PCDHGB4: variants seen among roughly 807,000 people sequenced by gnomAD.
PCDHGB4 encodes the protein protocadherin gamma subfamily B, 4.
A neutral mutation model predicts 60.5 loss-of-function variants in PCDHGB4; 38 were observed. The observed-to-expected ratio is 0.63, with a 90% CI of 0.48 to 0.82. The LOEUF (loss-of-function observed/expected upper bound fraction) is 0.82. PCDHGB4 is among the 40% of genes least tolerant of loss of function. PCDHGB4 has a pLI of 0.00. For synonymous variants in PCDHGB4, 456 were observed against 509.7 expected, an observed-to-expected ratio of 0.89 and a Z score of 1.42; for missense variants, 1,109 against 1,209.6, an observed-to-expected ratio of 0.92 and a Z score of 1.23.
intron 1 of PCDHGB4, among the ~76,000 whole-genome samples, chr5:141,480,400 G>A (rs1364147575): frequency 6.8e-6 from 1 of 146,550 alleles, no homozygotes; most frequent in Non-Finnish European, 1.5e-5. Context: ...TGGCAATAGA[G>A]TGAGACCCTG....
At chr5:141,403,875 A>T in intron 1 of PCDHGB4, 1 of 1,613,816 alleles carries the variant, frequency 6.2e-7, no homozygotes, top group Non-Finnish European at 8.5e-7. Flanking sequence ...AAAAGTCTAG[A>T]TTATGAAGAA....
chr5:141,485,074 G>C lies in PCDHGB4; in HGVS notation c.2398-9733G>C, dbSNP rs2099606548. ...GGCCGAACCGCGCCAGAGCTGGCGC[G>C]GGGAAAGGGAGATAGGTGTCTCCAG... On this transcript the variant is annotated intron_variant, in intron 1 of 3. Coordinates refer to ENST00000519479, the MANE Select transcript of PCDHGB4 (RefSeq NM_003736.4). The surrounding 1 kb of genome is among the most constrained non-coding windows in gnomAD (Gnocchi z 5.7). 1 of 926,946 alleles carries C rather than the reference G, an allele frequency of 1.1e-6. No individual in the cohort carries two copies. The highest frequency in any genetic ancestry group is 1.6e-5 in the South Asian group (1 of 62,606). The allele number at this position is 926,946 out of a possible 1,614,324, so 57.4% of individuals were successfully genotyped here.
Position 141,428,007 on chromosome 5 carries a change from A to T in PCDHGB4, c.2397+37726A>T, listed in dbSNP as rs770851074. 9.4e-6 allele frequency: 15 copies of T among 1,602,018 alleles called. No individual in the cohort carries two copies. In the African/African-American group the frequency reaches 1.5e-4, roughly 16 times the overall value. ...GCCCGATGGCTCCGCACTCTTCGAT[A>T]TAGTGCCACGCGCCGCAGAGTCCGG... On this transcript the variant is annotated intron_variant, in intron 1 of 3. Coordinates refer to ENST00000519479, the MANE Select transcript of PCDHGB4 (RefSeq NM_003736.4).
At chr5:141,433,204 C>A in intron 1 of PCDHGB4, 1 of 1,566,946 alleles carries the variant, frequency 6.4e-7, no homozygotes, top group Non-Finnish European at 8.6e-7. Flanking sequence ...ATCAAATCTT[C>A]TTTCTTTTTT....
intron 1 of PCDHGB4, chr5:141,413,467 G>C: frequency 1.2e-6 from 2 of 1,614,136 alleles, no homozygotes; most frequent in East Asian, 2.2e-5. Context: ...AGACCGGGAG[G>C]AGCTCTGCGC....
intron 1 of PCDHGB4, chr5:141,424,513 T>C (rs1339689551): frequency 6.6e-6 from 1 of 152,224 alleles, no homozygotes; most frequent in Non-Finnish European, 1.5e-5. Context: ...GGTTTTTTAA[T>C]GTAGTAAATC....
intron 1 of PCDHGB4, chr5:141,413,285 A>G: frequency 1.9e-6 from 3 of 1,613,892 alleles, no homozygotes; most frequent in Non-Finnish European, 2.5e-6. Flanking sequence ...CAGATCTCCT[A>G]CTCAATTCCT....
intron 1 of PCDHGB4, among the ~76,000 whole-genome samples, chr5:141,461,001 A>G (rs1309762345): frequency 4.0e-5 from 6 of 150,320 alleles, no homozygotes; most frequent in South Asian, 4.2e-4. Context: ...ATATATGTGT[A>G]TATATATATA....
At position 141,389,787 on chromosome 5, in the gene PCDHGB4, G is replaced by A; in HGVS notation, c.1903G>A (p.Ala635Thr). The change falls in exon 1 of 4, where the codon GCC becomes ACC. Residue 635 changes from alanine (A) to threonine (T), a missense_variant. Physicochemically the swap from Ala to Thr is moderately conservative, Grantham distance 58 (BLOSUM62 0). This residue lies in a region of PCDHGB4 where 1,068 missense variants were observed against 1,089.9 expected (regional missense o/e 0.98). Transcript: ENST00000519479. ...AGCGCGTGCCTTAGGCGACAGGGAC[G>A]CCGTCCGCCAGCGCCTTCTGGTCGC... ...RTARALGDRD[A>T]VRQRLLVAVR... 1 of 1,613,328 alleles carries A rather than the reference G, an allele frequency of 6.2e-7. No individual in the cohort carries two copies. Among genetic ancestry groups the A allele is most frequent in the Non-Finnish European group, 8.5e-7 (1 of 1,179,770 alleles).
intron 1 of PCDHGB4, among the ~76,000 whole-genome samples, chr5:141,436,389 TTAAA>T (rs1385837876): frequency 6.6e-6 from 1 of 152,212 alleles, no homozygotes; most frequent in Non-Finnish European, 1.5e-5. Context: ...ATAGGCTTTA[TTAAA>T]TAGTTGTTGA....
rs550977374 is a variant in PCDHGB4, at chr5:141,447,118, G to A, written c.2398-47689G>A. 9.2e-5 allele frequency among the ~76,000 whole-genome samples: 14 copies of A among 151,984 alleles called. No individual in the cohort carries two copies. The East Asian group carries it at 2.7e-3, about 29-fold the overall frequency. ...TTCACATGATTATATGTGCTCCATGGATTTTTTTGTTTGTTTGTTTTTTGT... is the reference window on the plus strand; with the variant it reads ...TTCACATGATTATATGTGCTCCATGAATTTTTTTGTTTGTTTGTTTTTTGT... On this transcript the variant is annotated intron_variant, in intron 1 of 3. Transcript: ENST00000519479.
rs1561857042 is a variant in PCDHGB4, at chr5:141,432,038, C to CG, written c.2397+41761dup. 3 of 1,614,190 alleles carry CG rather than the reference C, an allele frequency of 1.9e-6. No individual in the cohort carries two copies. The highest frequency in any genetic ancestry group is 2.5e-6 in the Non-Finnish European group (3 of 1,180,032). Reference sequence around the variant, plus strand: ...CAACATCACAGTGACCGCCACTGACCGGGGAACCCCGCCCCTATCCACGGA... The same window carrying CG: ...CAACATCACAGTGACCGCCACTGACCGGGGGAACCCCGCCCCTATCCACGGA... On this transcript the variant is annotated intron_variant, in intron 1 of 3. Transcript: ENST00000519479. The surrounding 1 kb of genome is among the most constrained non-coding windows in gnomAD (Gnocchi z 6.0).
rs1161188105 is a variant in PCDHGB4, at chr5:141,427,974, G to A, written c.2397+37693G>A. 9 of 1,594,458 alleles carry A rather than the reference G, an allele frequency of 5.6e-6. No individual in the cohort carries two copies. In the Admixed American group the frequency reaches 1.5e-4, roughly 27 times the overall value. ...CAATGTGCCGCGGGTGCTGTACCCC[G>A]CGCTGGGGCCCGATGGCTCCGCACT... On this transcript the variant is annotated intron_variant, in intron 1 of 3. Transcript: ENST00000519479.
Position 141,389,006 on chromosome 5 carries a change from C to G in PCDHGB4, c.1122C>G (p.Ser374=). The G allele has an allele frequency of 6.2e-7, 1 of 1,613,986 alleles. No homozygotes were observed. The highest frequency in any genetic ancestry group is 1.1e-5 in the South Asian group (1 of 91,076). Residue 374 remains serine, a synonymous_variant, in exon 1 of 4, where the codon TCC becomes TCG. Transcript: ENST00000519479. ...TGCTCAAAGTCCGTGACAAGGATTC[C>G]AGACACAATGGAGAAGTGACTTGTA... ...IALLKVRDKD[S]RHNGEVTCKL...
chr5:141,419,018 AG>A (rs2096314197), intron 1 of PCDHGB4: 1 of 1,613,838 alleles, frequency 6.2e-7, no homozygotes, highest in African/African-American at 1.3e-5. Context: ...GTGTAGCTTA[AG>A]TAGAGGTGTT....
Position 141,511,103 on chromosome 5 carries a change from A to G in PCDHGB4, c.2702A>G (p.Lys901Arg), listed in dbSNP as rs779731716. The G allele has an allele frequency of 6.2e-7, 1 of 1,614,214 alleles. No individual in the cohort carries two copies. The highest frequency in any genetic ancestry group is 8.5e-7 in the Non-Finnish European group (1 of 1,180,026). The change falls in exon 4 of 4, where the codon AAG becomes AGG. Residue 901 changes from lysine to arginine, a missense_variant. By Grantham distance (26) the Lys-to-Arg change is conservative. Coordinates refer to ENST00000519479, the MANE Select transcript of PCDHGB4 (RefSeq NM_003736.4). ...SNATLTNAAGKRDGKAPAGGN... is the reference protein window; with the variant it reads ...SNATLTNAAGRRDGKAPAGGN... ...GCCACACTGACCAACGCAGCTGGCA[A>G]GCGGGATGGCAAGGCCCCAGCAGGT...
In PCDHGB4 at chr5:141,431,841, C is replaced by T; in HGVS notation, c.2397+41560C>T. The T allele has an allele frequency of 6.2e-7, 1 of 1,614,246 alleles. No homozygotes were observed. Among genetic ancestry groups the T allele is most frequent in the Non-Finnish European group, 8.5e-7 (1 of 1,180,044 alleles). ...GCCAGCTCGGTTCCCGAAAACTCTC[C>T]CAGAGGGACATTAATTGCCCTTTTA... On this transcript the variant is annotated intron_variant, in intron 1 of 3. Coordinates refer to ENST00000519479, the MANE Select transcript of PCDHGB4 (RefSeq NM_003736.4). The surrounding 1 kb of genome is among the most constrained non-coding windows in gnomAD (Gnocchi z 4.8).
At chr5:141,408,036 A>C in intron 1 of PCDHGB4, 1 of 1,132,834 alleles carries the variant, frequency 8.8e-7, no homozygotes, top group Non-Finnish European at 1.2e-6. Flanking sequence ...GAAGAAAACC[A>C]GCTCCCACAC....
In PCDHGB4 at chr5:141,503,993, C is replaced by T. The variant is rs376134059; in HGVS notation, c.2457-1400C>T. Reference sequence around the variant, plus strand: ...GTGCCAAACCCTTCTTCTTACCTTACAGTCACTTAACTGTCTCTGCTGGTC... The same window carrying T: ...GTGCCAAACCCTTCTTCTTACCTTATAGTCACTTAACTGTCTCTGCTGGTC... On this transcript the variant is annotated intron_variant, in intron 2 of 3. Transcript: ENST00000519479. Among the ~76,000 whole-genome samples, 13 of 152,312 alleles carry T rather than the reference C, an allele frequency of 8.5e-5. 1 individual carries two copies. In the East Asian group the frequency reaches 1.7e-3, roughly 20 times the overall value.
Sources: allele counts gnomAD v4.1 joint callset (sites outside exome capture counted in the v4.1 genomes callset), GRCh38; gene constraint gnomAD v4.1.1; regional missense constraint gnomAD v4.1.1; non-coding constraint Gnocchi (gnomAD v3.1); transcripts MANE v1.5; gene names NCBI Gene and HGNC (gene_info 2026-07-23, HGNC 2026-07-21).